AKAP19: variants seen among roughly 807,000 people sequenced by gnomAD.
AKAP19 encodes the protein A-kinase anchoring protein 19.
chr2:190,057,335 G>T, the AKAP19 span: 1 of 1,613,342 alleles, frequency 6.2e-7, no homozygotes, highest in Non-Finnish European at 8.5e-7. Flanking sequence ...TTAAAATATA[G>T]CATATTAATT....
chr2:190,022,543 A>G, the AKAP19 span, among the ~76,000 whole-genome samples: 1 of 152,160 alleles, frequency 6.6e-6, no homozygotes, highest in African/African-American at 2.4e-5. Flanking sequence ...TTGTTTTAAT[A>G]CCTAGGATGC....
the AKAP19 span, among the ~76,000 whole-genome samples, chr2:189,915,756 A>G: frequency 6.6e-6 from 1 of 152,176 alleles, no homozygotes; most frequent in Non-Finnish European, 1.5e-5. Flanking sequence ...GAAATCCATT[A>G]TAAGGTAATT....
At chr2:189,993,197 C>T in the AKAP19 span, among the ~76,000 whole-genome samples, 11 of 152,208 alleles carry the variant, frequency 7.2e-5, no homozygotes, top group East Asian at 3.9e-4. Flanking sequence ...CCCTTCTATG[C>T]GGATTTTGCT....
At chr2:190,035,465 T>C in the AKAP19 span, among the ~76,000 whole-genome samples, 31 of 152,086 alleles carry the variant, frequency 2.0e-4, no homozygotes, top group South Asian at 6.4e-3. Flanking sequence ...AGATACAGAC[T>C]ACTTTCATTA....
chr2:189,978,354 C>T, the AKAP19 span, among the ~76,000 whole-genome samples: 2 of 152,104 alleles, frequency 1.3e-5, no homozygotes, highest in Non-Finnish European at 2.9e-5. Context: ...GGCATGGTGG[C>T]TCATGCCTGT....
the AKAP19 span, among the ~76,000 whole-genome samples, chr2:190,042,705 C>T: frequency 6.6e-6 from 1 of 152,086 alleles, no homozygotes; most frequent in Non-Finnish European, 1.5e-5. Flanking sequence ...TTAATAGTGG[C>T]TATTAACATT....
the AKAP19 span, among the ~76,000 whole-genome samples, chr2:190,194,303 T>C: frequency 6.6e-6 from 1 of 152,200 alleles, no homozygotes; most frequent in Admixed American, 6.5e-5. Context: ...ACTATTCTAG[T>C]AATGTTTTAA....
At chr2:190,174,156 C>A in the AKAP19 span, among the ~76,000 whole-genome samples, 1 of 152,198 alleles carries the variant, frequency 6.6e-6, no homozygotes, top group South Asian at 2.1e-4. Context: ...TAGGGACTAG[C>A]TGCATTAGGA....
chr2:189,880,600 C>A, the AKAP19 span, among the ~76,000 whole-genome samples: 2 of 152,182 alleles, frequency 1.3e-5, no homozygotes, highest in African/African-American at 2.4e-5. Flanking sequence ...TCACACTTCA[C>A]GTAAGATACT....
chr2:190,135,655 C>T, the AKAP19 span, among the ~76,000 whole-genome samples: 5 of 152,136 alleles, frequency 3.3e-5, no homozygotes, highest in Admixed American at 6.5e-5. Context: ...TTGGGCAGAT[C>T]ATATAGCATC....
chr2:190,180,924 T>C, the AKAP19 span: 1 of 985,218 alleles, frequency 1.0e-6, no homozygotes, highest in Non-Finnish European at 1.2e-6. This position sits in a 1 kb window ranked among gnomAD's most constrained non-coding sequence, Gnocchi z 6.8. Flanking sequence ...CCCTGGCAGC[T>C]GGACTGCACT....
chr2:189,993,064 A>G, the AKAP19 span, among the ~76,000 whole-genome samples: 6 of 152,164 alleles, frequency 3.9e-5, no homozygotes, highest in African/African-American at 1.2e-4. Context: ...TTGAATAGCA[A>G]TGGTGAAAGT....
the AKAP19 span, among the ~76,000 whole-genome samples, chr2:190,020,553 T>C: frequency 2.6e-5 from 4 of 152,348 alleles, no homozygotes; most frequent in Admixed American, 2.0e-4. Flanking sequence ...AATTGAGATA[T>C]CACATTTGTC....
the AKAP19 span, among the ~76,000 whole-genome samples, chr2:190,181,904 G>A: frequency 6.6e-6 from 1 of 152,100 alleles, no homozygotes; most frequent in Admixed American, 6.5e-5. Context: ...ACCTAACATG[G>A]CTATCATAAA....
At chr2:189,947,024 C>T in the AKAP19 span, among the ~76,000 whole-genome samples, 1 of 152,180 alleles carries the variant, frequency 6.6e-6, no homozygotes, top group Non-Finnish European at 1.5e-5. Flanking sequence ...TTCTAAGCCT[C>T]AGTTTCATTT....
chr2:189,993,614 G>A, the AKAP19 span, among the ~76,000 whole-genome samples: 2 of 152,270 alleles, frequency 1.3e-5, no homozygotes, highest in East Asian at 3.9e-4. Flanking sequence ...GAATTCAGCT[G>A]TGAGTCTGTC....
chr2:190,022,855 C>G, the AKAP19 span, among the ~76,000 whole-genome samples: 1 of 151,932 alleles, frequency 6.6e-6, no homozygotes, highest in African/African-American at 2.4e-5. Flanking sequence ...TAATCTGGAG[C>G]TTTTTGTTTC....
At chr2:190,049,251 G>C in the AKAP19 span, among the ~76,000 whole-genome samples, 5 of 151,728 alleles carry the variant, frequency 3.3e-5, no homozygotes, top group Non-Finnish European at 5.9e-5. Context: ...AAGGATAAAA[G>C]CAATTACTAG....
the AKAP19 span, among the ~76,000 whole-genome samples, chr2:190,044,505 G>A: frequency 6.6e-6 from 1 of 152,170 alleles, no homozygotes; most frequent in Non-Finnish European, 1.5e-5. Flanking sequence ...AGGGTGTCAA[G>A]GGCAGTTCTA....
Sources: gnomAD v4.1 joint callset for allele counts (sites outside exome capture counted in the v4.1 genomes callset) on GRCh38, gnomAD v4.1.1 for gene constraint, Gnocchi (gnomAD v3.1) non-coding constraint, MANE v1.5 for transcripts, NCBI Gene and HGNC (gene_info 2026-07-23, HGNC 2026-07-21) for gene names.